Variants in KIRREL3 observed in about 807,000 individuals in gnomAD.
The protein encoded by KIRREL3 is kin of IRRE-like protein 3.
In KIRREL3, 36 loss-of-function variants were observed where a neutral mutation model predicts 89.7. The observed-to-expected ratio is 0.40, with a 90% confidence interval of 0.31 to 0.53. The LOEUF is 0.53. KIRREL3 is among the 20% of genes least tolerant of loss of function. KIRREL3 has a pLI of 0.49. For synonymous variants in KIRREL3, 445 were observed against 441.4 expected (o/e 1.01, Z -0.10); for missense variants, 864 against 1,056.6 (o/e 0.82, Z 2.53).
chr11:126,915,243 T>G (rs1946992004), intron 1 of KIRREL3, among the ~76,000 whole-genome samples: 1 of 152,238 alleles, frequency 6.6e-6, no homozygotes, highest in Non-Finnish European at 1.5e-5. Context: ...ACTTACATCA[T>G]TAAAAGATTT....
chr11:126,738,031 A>T (rs1379919401), intron 1 of KIRREL3, among the ~76,000 whole-genome samples: 1 of 151,698 alleles, frequency 6.6e-6, no homozygotes, highest in East Asian at 1.9e-4. Context: ...CCTTCCCACT[A>T]CCCTTCCCAG....
intron 1 of KIRREL3, among the ~76,000 whole-genome samples, chr11:126,921,115 C>T (rs1332540026): frequency 1.3e-5 from 2 of 152,176 alleles, no homozygotes; most frequent in Non-Finnish European, 2.9e-5. Context: ...TCCCTCTCCC[C>T]TGGAGGTGGG....
rs116123140 is a variant in KIRREL3 at position 126,591,557 on chromosome 11, T to C, written c.56-28645A>G. On this transcript the variant is annotated intron_variant, in intron 1 of 16. Coordinates refer to ENST00000525144, the MANE Select transcript of KIRREL3 (RefSeq NM_032531.4). ...CATGCTCTTCCTGTCCAGCCTTGTG[T>C]ATACCAGCCATGCTCTGCCTTGCAC... is the stretch of plus-strand genomic sequence containing the variant. Among the ~76,000 whole-genome samples, 930 of 152,298 alleles carry C rather than the reference T, an allele frequency of 6.1e-3. 6 individuals are homozygous for C. The highest frequency in any genetic ancestry group is 0.021 in the African/African-American group (887 of 41,564).
chr11:126,487,589 C>T (rs1957399798), intron 4 of KIRREL3, among the ~76,000 whole-genome samples: 1 of 152,148 alleles, frequency 6.6e-6, no homozygotes, highest in South Asian at 2.1e-4. Flanking sequence ...CCTGAGCCTT[C>T]TTCTTTTTTT....
At position 126,536,407 on chromosome 11, in the gene KIRREL3, T is replaced by C. The variant is rs570633396; in HGVS notation, c.134-9720A>G. On this transcript the variant is annotated intron_variant, in intron 2 of 16. Transcript: ENST00000525144. Reference sequence around the variant, plus strand: ...CAACCCTAAATCTTCTAGGGATGCATTCTGGAACTCCACTGTCCCAAGTCT... The same window carrying C: ...CAACCCTAAATCTTCTAGGGATGCACTCTGGAACTCCACTGTCCCAAGTCT... Among the ~76,000 whole-genome samples, 12 of 152,104 alleles carry C rather than the reference T, an allele frequency of 7.9e-5. 1 individual carries two copies. The highest frequency in any genetic ancestry group is 9.7e-5 in the African/African-American group (4 of 41,412).
At chr11:126,757,738 A>C (rs1222406773) in intron 1 of KIRREL3, among the ~76,000 whole-genome samples, 1 of 139,930 alleles carries the variant, frequency 7.1e-6, no homozygotes, top group Non-Finnish European at 1.6e-5. Flanking sequence ...ATTAAAGGCA[A>C]GAAAAAAAAA....
intron 1 of KIRREL3, among the ~76,000 whole-genome samples, chr11:126,789,787 C>T (rs892278205): frequency 6.6e-6 from 1 of 152,208 alleles, no homozygotes; most frequent in Non-Finnish European, 1.5e-5. Context: ...AGCCCCTTCC[C>T]AGTCTTCCTG....
intron 1 of KIRREL3, among the ~76,000 whole-genome samples, chr11:126,923,130 T>TC (rs373421868): frequency 0.19 from 3,128 of 16,058 alleles, 687 homozygotes; most frequent in Middle Eastern, 0.33. Context: ...CTCCTTCTTC[T>TC]CTTCTTCTTC....
rs1943889336 is a variant in KIRREL3 at position 126,628,590 on chromosome 11, A to C, written c.56-65678T>G. ...TTGTTCTATTGCCAACCTTTCTATA[A>C]GCCTTCTTCTGAGATCCAGCCCAGT... On this transcript the variant is annotated intron_variant, in intron 1 of 16. Transcript: ENST00000525144. The surrounding 1 kb of genome is among the most constrained non-coding windows in gnomAD (Gnocchi z 5.2). Among the ~76,000 whole-genome samples the C allele has an allele frequency of 6.6e-6, 1 of 152,160 alleles. No individual in the cohort carries two copies. The highest frequency in any genetic ancestry group is 2.1e-4 in the South Asian group (1 of 4,824).
chr11:126,845,953 C>A (rs912067328), intron 1 of KIRREL3, among the ~76,000 whole-genome samples: 18 of 151,556 alleles, frequency 1.2e-4, no homozygotes, highest in African/African-American at 2.2e-4. Context: ...AAAAAACACA[C>A]AAAAAAAACA....
chr11:126,688,666 G>C (rs892892496), intron 1 of KIRREL3, among the ~76,000 whole-genome samples: 4 of 152,152 alleles, frequency 2.6e-5, no homozygotes, highest in African/African-American at 7.2e-5. Context: ...AGGAGGAATT[G>C]TTACTTGCTT....
chr11:126,634,904 CT>C (rs1944202711), intron 1 of KIRREL3, among the ~76,000 whole-genome samples: 1 of 152,140 alleles, frequency 6.6e-6, no homozygotes, highest in Non-Finnish European at 1.5e-5. Flanking sequence ...ACTGATTGCA[CT>C]AGGGAAGTGT....
In KIRREL3 at chr11:126,972,908, A is replaced by G. The variant is rs1435998504; in HGVS notation, c.55+27547T>C. On this transcript the variant is annotated intron_variant, in intron 1 of 16. Transcript: ENST00000525144. ...CGCCATCGTGCACATAAAAAGGGAC[A>G]GAAAAGAACGAACAATGTGCTGCTC... Among the ~76,000 whole-genome samples, 3 of 152,164 alleles carry G rather than the reference A, an allele frequency of 2.0e-5. No homozygotes were observed. The East Asian group carries it at 5.8e-4, about 29-fold the overall frequency.
In KIRREL3 at chr11:126,785,231, G is replaced by A. The variant is rs114927247; in HGVS notation, c.55+215224C>T. Among the ~76,000 whole-genome samples, 13 of 152,114 alleles carry A rather than the reference G, an allele frequency of 8.5e-5. No homozygotes were observed. The East Asian group carries it at 1.9e-3, about 23-fold the overall frequency. ...TTGTTTTTTGTCATTTACACGTGGC[G>A]TGGTGACAGCAAGCCAGGTGTCTCC... On this transcript the variant is annotated intron_variant, in intron 1 of 16. Transcript: ENST00000525144.
rs79601294 is a variant in KIRREL3, at chr11:126,460,901, A to G, written c.742+2256T>C. Among the ~76,000 whole-genome samples the G allele has an allele frequency of 5.5e-4, 84 of 152,318 alleles. 2 individuals are homozygous for G. In the East Asian group the frequency reaches 0.015, roughly 28 times the overall value. On this transcript the variant is annotated intron_variant, in intron 6 of 16. Coordinates refer to ENST00000525144, the MANE Select transcript of KIRREL3 (RefSeq NM_032531.4). The stretch of plus-strand genomic sequence containing the variant: ...TCACTTTTGTCCAGGAGTCTGTAAC[A>G]TTTTGTACAGGCCTCCTGATCAGGT...
intron 1 of KIRREL3, among the ~76,000 whole-genome samples, chr11:126,864,526 T>G (rs1944856434): frequency 6.6e-6 from 1 of 152,180 alleles, no homozygotes. Flanking sequence ...CCACTCCTGT[T>G]AGCAGCAAAT....
chr11:126,857,718 G>T (rs1267941298), intron 1 of KIRREL3, among the ~76,000 whole-genome samples: 1 of 143,972 alleles, frequency 6.9e-6, no homozygotes, highest in Non-Finnish European at 1.5e-5. Flanking sequence ...TTCTATCACA[G>T]ACCCTTCCTT....
At chr11:126,869,694 C>A (rs1279167822) in intron 1 of KIRREL3, among the ~76,000 whole-genome samples, 1 of 152,126 alleles carries the variant, frequency 6.6e-6, no homozygotes, top group Non-Finnish European at 1.5e-5. Context: ...CTTACACACC[C>A]CTGACCTCAC....
At chr11:126,992,898 G>A (rs1950075099) in intron 1 of KIRREL3, among the ~76,000 whole-genome samples, 1 of 152,118 alleles carries the variant, frequency 6.6e-6, no homozygotes, top group Non-Finnish European at 1.5e-5. Context: ...GTGTTTCCAT[G>A]ATCTTTTTTC....
Sources: gnomAD v4.1 joint callset for allele counts (sites outside exome capture counted in the v4.1 genomes callset) on GRCh38, gnomAD v4.1.1 for gene constraint, Gnocchi (gnomAD v3.1) non-coding constraint, MANE v1.5 for transcripts, NCBI Gene and HGNC (gene_info 2026-07-23, HGNC 2026-07-21) for gene names.